ERBB4: variants seen among roughly 807,000 people sequenced by gnomAD.
ERBB4 encodes erb-b2 receptor tyrosine kinase 4.
Under a neutral mutation model 158.0 loss-of-function variants are expected in ERBB4, and 42 were observed. The ratio of observed to expected loss-of-function variants is 0.27; its 90% CI spans 0.21 to 0.34. The LOEUF is 0.34. Ranked by LOEUF, ERBB4 falls within the 10% of genes least tolerant of loss-of-function variation. The probability of loss-of-function intolerance (pLI) is 1.00; values close to 1 mark genes in which losing one functional copy is unlikely to be tolerated. For missense variants in ERBB4, 1,333 were observed against 1,624.1 expected, an observed-to-expected ratio of 0.82 and a Z score of 3.08; for synonymous variants, 583 against 558.7, an observed-to-expected ratio of 1.04 and a Z score of -0.61.
intron 2 of ERBB4, among the ~76,000 whole-genome samples, chr2:212,092,276 T>A (rs1266534706): frequency 6.6e-6 from 1 of 152,154 alleles, no homozygotes; most frequent in Admixed American, 6.5e-5. Context: ...ATAAAATGAG[T>A]CTCATTTACA....
At chr2:211,982,677 T>C (rs1481269061) in intron 2 of ERBB4, among the ~76,000 whole-genome samples, 1 of 152,192 alleles carries the variant, frequency 6.6e-6, no homozygotes, top group Non-Finnish European at 1.5e-5. Context: ...GTTATCCGAT[T>C]CTATAGGGCT....
At chr2:211,399,246 G>A (rs1049305188) in intron 25 of ERBB4, among the ~76,000 whole-genome samples, 2 of 152,158 alleles carry the variant, frequency 1.3e-5, no homozygotes, top group East Asian at 1.9e-4. Context: ...CTTAGACTAT[G>A]AGTCTGTTTA....
At chr2:212,411,849 T>C (rs745957813) in intron 1 of ERBB4, among the ~76,000 whole-genome samples, 3 of 152,146 alleles carry the variant, frequency 2.0e-5, no homozygotes, top group Non-Finnish European at 2.9e-5. Flanking sequence ...TATGCTATAC[T>C]ATATTATAAA....
At chr2:212,051,715 T>C (rs1444272956) in intron 2 of ERBB4, among the ~76,000 whole-genome samples, 1 of 152,188 alleles carries the variant, frequency 6.6e-6, no homozygotes, top group Non-Finnish European at 1.5e-5. Flanking sequence ...TGACTATGGC[T>C]TCCCCCATAG....
intron 1 of ERBB4, among the ~76,000 whole-genome samples, chr2:212,423,467 G>A (rs1410153080): frequency 6.6e-6 from 1 of 152,140 alleles, no homozygotes; most frequent in African/African-American, 2.4e-5. Context: ...TGCATCTTCA[G>A]GGAGAAAATG....
chr2:211,834,199 A>G (rs1389878905), intron 3 of ERBB4, among the ~76,000 whole-genome samples: 1 of 152,158 alleles, frequency 6.6e-6, no homozygotes, highest in Non-Finnish European at 1.5e-5. Flanking sequence ...AGGCTAGTTG[A>G]AAGGAAAATG....
chr2:211,730,223 T>C (rs4130781), intron 5 of ERBB4, among the ~76,000 whole-genome samples: 31,220 of 151,834 alleles, frequency 0.21, 4,095 homozygotes, highest in Non-Finnish European at 0.3. Flanking sequence ...TAGGACAAAT[T>C]TATTTTACTT....
chr2:211,759,886 T>C (rs2075368020), intron 4 of ERBB4, among the ~76,000 whole-genome samples: 1 of 152,078 alleles, frequency 6.6e-6, no homozygotes, highest in Non-Finnish European at 1.5e-5. Context: ...TGTCATCTGC[T>C]ATTTTCAGTT....
intron 20 of ERBB4, among the ~76,000 whole-genome samples, chr2:211,432,618 AAAC>A (rs1482255075): frequency 6.6e-6 from 1 of 151,982 alleles, no homozygotes; most frequent in Non-Finnish European, 1.5e-5. Flanking sequence ...AAAAAAAAAA[AAAC>A]AAATAAATGC....
At chr2:212,256,843 T>G (rs2084757646) in intron 1 of ERBB4, among the ~76,000 whole-genome samples, 1 of 152,180 alleles carries the variant, frequency 6.6e-6, no homozygotes, top group Admixed American at 6.6e-5. Flanking sequence ...TGTCATAATC[T>G]AAGCAAATAT....
chr2:211,841,162 A>T (rs2106000879), intron 3 of ERBB4, among the ~76,000 whole-genome samples: 1 of 152,164 alleles, frequency 6.6e-6, no homozygotes, highest in African/African-American at 2.4e-5. Context: ...AAAATCAAGA[A>T]TCTTATAATT....
intron 2 of ERBB4, among the ~76,000 whole-genome samples, chr2:212,118,668 T>A (rs2079644425): frequency 6.6e-6 from 1 of 152,056 alleles, no homozygotes. Flanking sequence ...AATAGGACAT[T>A]TTCTCTGGTA....
chr2:212,174,454 T>C (rs191194908), intron 1 of ERBB4, among the ~76,000 whole-genome samples: 4 of 152,216 alleles, frequency 2.6e-5, no homozygotes, highest in African/African-American at 7.2e-5. Context: ...GACCAATTTA[T>C]ATGAAATGTG....
In ERBB4 at chr2:212,125,159, A is replaced by G. The variant is rs2079883938; in HGVS notation, c.83-256T>C. ...AAATATATAGCAAGGAGATAAACTTAATCCCATTTGTTATGACCATATAAA... is the reference window on the plus strand; with the variant it reads ...AAATATATAGCAAGGAGATAAACTTGATCCCATTTGTTATGACCATATAAA... On this transcript the variant is annotated intron_variant, in intron 1 of 27. Coordinates refer to ENST00000342788, the MANE Select transcript of ERBB4 (RefSeq NM_005235.3). 4 of 474,020 alleles carry G rather than the reference A, an allele frequency of 8.4e-6. 1 individual carries two copies. The highest frequency in any genetic ancestry group is 1.5e-5 in the Non-Finnish European group (4 of 259,416). 29.4% of individuals were successfully genotyped at this position (474,020 alleles called of 1,614,324 possible). A position where few individuals can be genotyped will look rare whatever the true frequency, so the allele number is the denominator to read the frequency against.
intron 1 of ERBB4, among the ~76,000 whole-genome samples, chr2:212,370,839 T>A (rs1453939701): frequency 6.6e-6 from 1 of 152,132 alleles, no homozygotes; most frequent in Non-Finnish European, 1.5e-5. Context: ...TTACCTTTAG[T>A]TATATTTATC....
At chr2:211,860,711 C>T (rs2077988346) in intron 3 of ERBB4, among the ~76,000 whole-genome samples, 1 of 151,138 alleles carries the variant, frequency 6.6e-6, no homozygotes, top group African/African-American at 2.4e-5. Context: ...AAGATGATTT[C>T]CCAAACCTTA....
intron 1 of ERBB4, among the ~76,000 whole-genome samples, chr2:212,143,607 G>C (rs2080557603): frequency 6.6e-6 from 1 of 151,814 alleles, no homozygotes; most frequent in South Asian, 2.1e-4. Flanking sequence ...TACTAGAAAT[G>C]GGTTAAATAA....
chr2:212,329,071 A>G (rs891521075), intron 1 of ERBB4, among the ~76,000 whole-genome samples: 1 of 152,030 alleles, frequency 6.6e-6, no homozygotes, highest in African/African-American at 2.4e-5. Context: ...TGTACTAAGA[A>G]CTTGTTTAAT....
At chr2:211,753,166 T>C (rs1427501732) in intron 4 of ERBB4, among the ~76,000 whole-genome samples, 1 of 43,140 alleles carries the variant, frequency 2.3e-5, no homozygotes, top group African/African-American at 7.4e-5. Flanking sequence ...TGATTAGAGA[T>C]ATTTATGAAT....
Sources: allele counts gnomAD v4.1 joint callset (sites outside exome capture counted in the v4.1 genomes callset), GRCh38; gene constraint gnomAD v4.1.1; transcripts MANE v1.5; gene names NCBI Gene and HGNC (gene_info 2026-07-23, HGNC 2026-07-21).